The following F5 variants were observed in gnomAD, a reference collection of about 807,000 sequenced individuals.
F5 encodes the protein coagulation factor V.
In F5, 138 loss-of-function variants were observed where a neutral mutation model predicts 216.4. That is an observed-to-expected ratio of 0.64 (90% CI 0.56 to 0.73). The LOEUF (loss-of-function observed/expected upper bound fraction) is 0.73. F5 is among the 30% of genes least tolerant of loss of function. The pLI, the probability that F5 is intolerant of heterozygous loss-of-function variation, is 0.00. For synonymous variants in F5, 916 were observed against 930.7 expected, an observed-to-expected ratio of 0.98 and a Z score of 0.29; for missense variants, 2,403 against 2,674.0, an observed-to-expected ratio of 0.90 and a Z score of 2.24.
Position 169,514,277 on chromosome 1 carries a change from A to G in F5, c.*36T>C. On this transcript the variant is annotated 3_prime_UTR_variant, in exon 25 of 25. Coordinates refer to ENST00000367797, the MANE Select transcript of F5 (RefSeq NM_000130.5). ...CCCATTCTAAATGGTTTGAGGTCTT[A>G]AAGAGTCTCTTCCAGGGGTTTTTGA... 1 of 1,608,808 alleles carries G rather than the reference A, an allele frequency of 6.2e-7. No individual in the cohort carries two copies. The highest frequency in any genetic ancestry group is 8.5e-7 in the Non-Finnish European group (1 of 1,175,584).
intron 7 of F5, among the ~76,000 whole-genome samples, chr1:169,554,929 G>C (rs1191803498): frequency 6.6e-6 from 1 of 152,188 alleles, no homozygotes; most frequent in Non-Finnish European, 1.5e-5. Flanking sequence ...CTCTCAGAAA[G>C]GGACAATACA....
chr1:169,556,683 C>G lies in F5; in HGVS notation c.915G>C (p.Lys305Asn), dbSNP rs141898470. 1 of 1,614,058 alleles carries G rather than the reference C, an allele frequency of 6.2e-7. No individual in the cohort carries two copies. The highest frequency in any genetic ancestry group is 8.5e-7 in the Non-Finnish European group (1 of 1,179,990). ...TANMTVGPEGKWIISSLTPKH... is the reference protein window; with the variant it reads ...TANMTVGPEGNWIISSLTPKH... Reference sequence around the variant, plus strand: ...TTGGGGTGAGAGAAGATATGATCCACTTTCCCTCTGGGCCCACAGTCATAT... The same window carrying G: ...TTGGGGTGAGAGAAGATATGATCCAGTTTCCCTCTGGGCCCACAGTCATAT... The change falls in exon 6 of 25, where the codon AAG becomes AAC. Residue 305 changes from lysine (K) to asparagine (N), a missense_variant. By Grantham distance (94) the Lys-to-Asn change is moderately conservative (BLOSUM62 0). This residue lies in a region of F5 where 1,425 missense variants were observed against 1,554.8 expected (regional missense o/e 0.92). Transcript: ENST00000367797.
intron 22 of F5, 109 bp from the exon 23 acceptor site, chr1:169,518,672 C>A: frequency 8.5e-7 from 1 of 1,180,776 alleles, no homozygotes; most frequent in Non-Finnish European, 1.2e-6. Flanking sequence ...ATGACAAAAA[C>A]AATAACCACA....
intron 10 of F5, among the ~76,000 whole-genome samples, chr1:169,548,932 AGTCT>A (rs941407834): frequency 2.0e-5 from 3 of 152,106 alleles, no homozygotes; most frequent in Non-Finnish European, 4.4e-5. Flanking sequence ...GGCAGCTGAA[AGTCT>A]GTCTATCTCT....
rs980636916 is a variant in F5, at chr1:169,541,112, G to C, written c.3978C>G (p.Ser1326Arg). The change falls in exon 13 of 25, where the codon AGC (serine) becomes AGG (arginine). Residue 1326 changes from serine (S) to arginine (R), a missense_variant. Physicochemically the swap from Ser to Arg is moderately radical, Grantham distance 110. Transcript: ENST00000367797. The stretch of plus-strand genomic sequence containing the variant: ...TGAAGTCTAGAGAAAGGGTTGTATG[G>C]CTGAGGTCTGGAGAAATGGGCATCT... ...LGQMPISPDL[S>R]HTTLSLDFSQ... The C allele has an allele frequency of 5.1e-6, 8 of 1,556,496 alleles. No individual in the cohort carries two copies. The highest frequency in any genetic ancestry group is 7.0e-6 in the Non-Finnish European group (8 of 1,148,052).
At chr1:169,543,184 T>C (rs1165960748) in intron 12 of F5, 70 bp from the exon 13 acceptor site, 6 of 1,423,890 alleles carry the variant, frequency 4.2e-6, no homozygotes, top group African/African-American at 1.4e-5. Flanking sequence ...CAATAATCCA[T>C]TGTGGCAGGT....
rs778723822 is a variant in F5, at chr1:169,541,669, T to A, written c.3421A>T (p.Thr1141Ser). The change falls in exon 13 of 25, where the codon ACT becomes TCT. Residue 1141 changes from threonine to serine, a missense_variant. Physicochemically the swap from Thr to Ser is moderately conservative, Grantham distance 58. Around this residue, in one of 4 missense-constraint regions of F5, gnomAD observed 1,425 missense variants for 1,554.8 expected, o/e 0.92. Coordinates refer to ENST00000367797, the MANE Select transcript of F5 (RefSeq NM_000130.5). ...PIQDPDQMHS[T>S]SDPSHRSSSP... Reference sequence around the variant, plus strand: ...GAGGATCTGTGACTGGGGTCTGAAGTAGAGTGCATTTGATCAGGGTCTTGA... The same window carrying A: ...GAGGATCTGTGACTGGGGTCTGAAGAAGAGTGCATTTGATCAGGGTCTTGA... The A allele has an allele frequency of 1.2e-6, 2 of 1,614,088 alleles. No homozygotes were observed. The highest frequency in any genetic ancestry group is 1.7e-6 in the Non-Finnish European group (2 of 1,179,986).
At chr1:169,546,731 C>T (rs532370524) in intron 10 of F5, 139 bp from the exon 11 acceptor site, 1 of 778,492 alleles carries the variant, frequency 1.3e-6, no homozygotes, top group African/African-American at 1.7e-5. Context: ...AAAGGATTCT[C>T]TATTCCATAA....
intron 17 of F5, 120 bp downstream of exon 17, chr1:169,527,795 A>G: frequency 7.6e-7 from 1 of 1,321,444 alleles, no homozygotes; most frequent in Admixed American, 2.0e-5. Context: ...GCTCTATGCC[A>G]GAACCCTGTG....
chr1:169,549,731 G>T, intron 10 of F5, 70 bp downstream of exon 10: 1 of 1,142,534 alleles, frequency 8.8e-7, no homozygotes, highest in South Asian at 1.3e-5. Context: ...TATTTAGCCA[G>T]GAGACCTAAC....
Position 169,541,038 on chromosome 1 carries a change from G to A in F5, c.4052C>T (p.Ala1351Val). 1 of 1,603,746 alleles carries A rather than the reference G, an allele frequency of 6.2e-7. No homozygotes were observed. Among genetic ancestry groups the A allele is most frequent in the Non-Finnish European group, 8.5e-7 (1 of 1,174,132 alleles). ...TGGAGAAAGGGGCATCTGACCGAGG[G>A]CTGGGGAAAGGTTTGTTTGACTGAG... ...PELSQTNLSPALGQMPLSPDP... is the reference protein window; with the variant it reads ...PELSQTNLSPVLGQMPLSPDP... The change falls in exon 13 of 25, where the codon GCC becomes GTC. Residue 1351 changes from alanine (A) to valine (V), a missense_variant. Around this residue, in one of 4 missense-constraint regions of F5, gnomAD observed 293 missense variants for 270.8 expected, o/e 1.08. Transcript: ENST00000367797.
chr1:169,548,649 C>G (rs933454891), intron 10 of F5, among the ~76,000 whole-genome samples: 2 of 152,068 alleles, frequency 1.3e-5, no homozygotes, highest in Admixed American at 6.6e-5. Flanking sequence ...AGGTGGAACA[C>G]CTTAGGTCAG....
At position 169,542,923 on chromosome 1, in the gene F5, C is replaced by A; in HGVS notation, c.2167G>T (p.Asp723Tyr). ...LEPEDEESDA[D>Y]YDYQNRLAAA... ...GCCAGTCTGTTCTGGTAATCATAGT[C>A]AGCATCACTCTCTTCATCTTCAGGT... is the stretch of plus-strand genomic sequence containing the variant. Residue 723 changes from aspartate to tyrosine, a missense_variant, in exon 13 of 25, where the codon GAC becomes TAC. Coordinates refer to ENST00000367797, the MANE Select transcript of F5 (RefSeq NM_000130.5). The A allele has an allele frequency of 6.2e-7, 1 of 1,614,122 alleles. No individual in the cohort carries two copies. The highest frequency in any genetic ancestry group is 1.1e-5 in the South Asian group (1 of 91,072).
Position 169,552,622 on chromosome 1 carries a change from G to A in F5, c.1231C>T (p.Pro411Ser). ...DESFTKHTVN[P>S]NMKEDGILGP... ...AAAATCCCATCTTCTTTCATATTGG[G>A]ATTCACTGTATGTTTGGTGAAGGAC... is the stretch of plus-strand genomic sequence containing the variant. Residue 411 changes from proline to serine, a missense_variant, in exon 8 of 25, where the codon CCC (proline) becomes TCC (serine). Physicochemically the swap from Pro to Ser is moderately conservative, Grantham distance 74 (BLOSUM62 -1). Around this residue, in one of 4 missense-constraint regions of F5, gnomAD observed 1,425 missense variants for 1,554.8 expected, o/e 0.92. Transcript: ENST00000367797. The A allele has an allele frequency of 1.2e-6, 2 of 1,613,538 alleles. No individual in the cohort carries two copies. The highest frequency in any genetic ancestry group is 1.7e-6 in the Non-Finnish European group (2 of 1,179,670).
intron 8 of F5, among the ~76,000 whole-genome samples, chr1:169,551,399 A>G (rs1043020084): frequency 1.3e-5 from 2 of 152,202 alleles, no homozygotes; most frequent in African/African-American, 4.8e-5. Context: ...GCAGTGAGCC[A>G]TGATCACACC....
At chr1:169,573,405 T>C (rs73035573) in intron 2 of F5, among the ~76,000 whole-genome samples, 4,594 of 151,854 alleles carry the variant, frequency 0.03, 230 homozygotes, top group African/African-American at 0.1. Flanking sequence ...AGCAGAGAGA[T>C]TAGGCAGTAT....
At chr1:169,580,630 TG>T (rs1227586468) in intron 2 of F5, among the ~76,000 whole-genome samples, 1 of 152,104 alleles carries the variant, frequency 6.6e-6, no homozygotes, top group Non-Finnish European at 1.5e-5. Flanking sequence ...GTGATCCATC[TG>T]CCTTGGCCTC....
At chr1:169,556,148 A>T (rs375379847) in intron 6 of F5, among the ~76,000 whole-genome samples, 1 of 152,102 alleles carries the variant, frequency 6.6e-6, no homozygotes, top group African/African-American at 2.4e-5. Flanking sequence ...ACCCCTCAGT[A>T]TATGCCATGT....
In F5 at chr1:169,556,818, C is replaced by T. The variant is rs1183518195; in HGVS notation, c.780G>A (p.Met260Ile). 2 of 1,614,084 alleles carry T rather than the reference C, an allele frequency of 1.2e-6. No homozygotes were observed. The highest frequency in any genetic ancestry group is 2.2e-5 in the South Asian group (2 of 91,072). The change falls in exon 6 of 25, where the codon ATG (methionine) becomes ATA (isoleucine). Residue 260 changes from methionine (M) to isoleucine (I), a missense_variant. Met to Ile is a conservative substitution (Grantham distance 10). This residue lies in a region of F5 where 1,425 missense variants were observed against 1,554.8 expected (regional missense o/e 0.92). Coordinates refer to ENST00000367797, the MANE Select transcript of F5 (RefSeq NM_000130.5). ...TGGAGAATAATTCTGGCCCCGAGCT[C>T]ATTCCCAGCAGATGCCAGCTGATGT... Reference protein sequence around the residue: ...HDHISWHLLGMSSGPELFSIH... With the variant: ...HDHISWHLLGISSGPELFSIH...
Sources: allele counts gnomAD v4.1 joint callset (sites outside exome capture counted in the v4.1 genomes callset), GRCh38; gene constraint gnomAD v4.1.1; regional missense constraint gnomAD v4.1.1; transcripts MANE v1.5; gene names NCBI Gene and HGNC (gene_info 2026-07-23, HGNC 2026-07-21).